P4HA1: variants seen among roughly 807,000 people sequenced by gnomAD.
P4HA1 encodes the protein prolyl 4-hydroxylase subunit alpha 1.
A neutral mutation model predicts 72.8 loss-of-function variants in P4HA1; 24 were observed. The observed-to-expected ratio is 0.33, with a 90% confidence interval of 0.24 to 0.46. The LOEUF (loss-of-function observed/expected upper bound fraction) is 0.46, where lower values mean the gene tolerates loss of function less well. Ranked by LOEUF, P4HA1 falls within the 20% of genes least tolerant of loss-of-function variation. The probability of loss-of-function intolerance (pLI) is 1.00; values close to 1 mark genes in which losing one functional copy is unlikely to be tolerated. For missense variants in P4HA1, 446 were observed against 640.6 expected (o/e 0.70, Z 3.28); for synonymous variants, 201 against 218.8 (o/e 0.92, Z 0.72).
intron 1 of P4HA1, among the ~76,000 whole-genome samples, chr10:73,079,526 G>T (rs1313389039): frequency 6.6e-6 from 1 of 152,190 alleles, no homozygotes; most frequent in African/African-American, 2.4e-5. Context: ...TGGATCACCT[G>T]AGGTGAGGAG....
At chr10:73,088,987 A>C (rs1342718043) in intron 1 of P4HA1, among the ~76,000 whole-genome samples, 1 of 152,180 alleles carries the variant, frequency 6.6e-6, no homozygotes, top group African/African-American at 2.4e-5. Flanking sequence ...TTGGTTTTCC[A>C]TATTAATTTT....
chr10:73,058,934 C>T (rs1352805077), intron 5 of P4HA1, among the ~76,000 whole-genome samples: 7 of 151,932 alleles, frequency 4.6e-5, no homozygotes, highest in South Asian at 2.1e-4. Flanking sequence ...CCCACCACCA[C>T]GCTCAGCTAA....
At chr10:73,063,572 C>T (rs904940928) in intron 5 of P4HA1, among the ~76,000 whole-genome samples, 6 of 152,138 alleles carry the variant, frequency 3.9e-5, no homozygotes, top group African/African-American at 1.2e-4. Context: ...ATTATTTTTT[C>T]GGTTACGAGA....
chr10:73,038,209 TGTGCCACTGCACTCCA>T (rs1210127033), intron 9 of P4HA1, among the ~76,000 whole-genome samples: 2 of 152,162 alleles, frequency 1.3e-5, no homozygotes, highest in African/African-American at 4.8e-5. Context: ...GAGCCATGAC[TGTGCCACTGCACTCCA>T]GCCTGGGCGA....
chr10:73,076,227 G>A (rs1182125710), intron 1 of P4HA1, among the ~76,000 whole-genome samples: 1 of 152,094 alleles, frequency 6.6e-6, no homozygotes, highest in South Asian at 2.1e-4. Flanking sequence ...CTCTTGGTTT[G>A]ACTTAGTTTG....
At chr10:73,038,165 G>A (rs1388000073) in intron 9 of P4HA1, among the ~76,000 whole-genome samples, 1 of 152,156 alleles carries the variant, frequency 6.6e-6, no homozygotes, top group Non-Finnish European at 1.5e-5. Context: ...TGAGGTGGGA[G>A]GATTGCTTGA....
chr10:73,090,474 T>G (rs1417132435), intron 1 of P4HA1, among the ~76,000 whole-genome samples: 1 of 152,214 alleles, frequency 6.6e-6, no homozygotes, highest in Non-Finnish European at 1.5e-5. Flanking sequence ...TTCCTTATCT[T>G]GATTGTACTG....
chr10:73,016,933 A>G, intron 10 of P4HA1, 34 bp from the exon 11 acceptor site: 1 of 1,560,466 alleles, frequency 6.4e-7, no homozygotes, highest in East Asian at 2.3e-5. Context: ...AAAGAAAAGA[A>G]CTATAAAGAT....
intron 5 of P4HA1, among the ~76,000 whole-genome samples, chr10:73,058,216 G>A (rs1056260669): frequency 9.9e-5 from 15 of 151,666 alleles, no homozygotes; most frequent in Non-Finnish European, 1.6e-4. Context: ...TCTTTAGATG[G>A]TTATTAAGAA....
intron 5 of P4HA1, among the ~76,000 whole-genome samples, chr10:73,058,992 G>A (rs992191186): frequency 6.6e-6 from 1 of 151,834 alleles, no homozygotes; most frequent in African/African-American, 2.4e-5. Flanking sequence ...TGGCCAGGCT[G>A]GTCTCAAACT....
intron 5 of P4HA1, chr10:73,065,458 T>C (rs545037638): frequency 4.3e-4 from 65 of 152,304 alleles, no homozygotes; most frequent in African/African-American, 1.4e-3. Flanking sequence ...CAAGGAGTGA[T>C]GTGGCATCAA....
intron 5 of P4HA1, among the ~76,000 whole-genome samples, chr10:73,062,358 CCTTT>C (rs1359162170): frequency 1.3e-5 from 2 of 151,852 alleles, no homozygotes; most frequent in African/African-American, 4.8e-5. Context: ...CACATAGTTC[CCTTT>C]CTGACACTAT....
At chr10:73,033,519 G>A (rs1365005464) in intron 9 of P4HA1, among the ~76,000 whole-genome samples, 1 of 152,104 alleles carries the variant, frequency 6.6e-6, no homozygotes, top group Non-Finnish European at 1.5e-5. Flanking sequence ...CCTTGTCAAT[G>A]CTTGCTTATT....
At chr10:73,056,991 C>T (rs1422505716) in intron 5 of P4HA1, among the ~76,000 whole-genome samples, 2 of 145,204 alleles carry the variant, frequency 1.4e-5, no homozygotes, top group Non-Finnish European at 3.0e-5. Context: ...ACCCAGGAGA[C>T]AGAGCTTGCA....
intron 5 of P4HA1, among the ~76,000 whole-genome samples, chr10:73,064,718 G>GT (rs1841381985): frequency 6.6e-6 from 1 of 151,652 alleles, no homozygotes; most frequent in South Asian, 2.1e-4. Flanking sequence ...GTGGGCACCT[G>GT]TAATCCCAGC....
chr10:73,035,207 C>G (rs1840541155), intron 9 of P4HA1, among the ~76,000 whole-genome samples: 1 of 151,844 alleles, frequency 6.6e-6, no homozygotes, highest in Non-Finnish European at 1.5e-5. Flanking sequence ...ATATTCCCAT[C>G]CCTCACTGCC....
At chr10:73,014,792 C>T (rs182630791) in intron 11 of P4HA1, among the ~76,000 whole-genome samples, 65 of 151,918 alleles carry the variant, frequency 4.3e-4, no homozygotes, top group African/African-American at 1.4e-3. Context: ...TTTGAACTCA[C>T]GACCTACTGA....
chr10:73,088,039 T>C (rs760719174), intron 1 of P4HA1, among the ~76,000 whole-genome samples: 1 of 152,210 alleles, frequency 6.6e-6, no homozygotes, highest in African/African-American at 2.4e-5. Flanking sequence ...ATTTTATAGC[T>C]GTACATTTTA....
At chr10:73,082,001 G>C (rs906027297) in intron 1 of P4HA1, among the ~76,000 whole-genome samples, 2 of 152,236 alleles carry the variant, frequency 1.3e-5, no homozygotes, top group African/African-American at 4.8e-5. Flanking sequence ...GGGCAACAGA[G>C]CGAGACTCCG....
Sources: gnomAD v4.1 joint callset for allele counts (sites outside exome capture counted in the v4.1 genomes callset) on GRCh38, gnomAD v4.1.1 for gene constraint, MANE v1.5 for transcripts, NCBI Gene and HGNC (gene_info 2026-07-23, HGNC 2026-07-21) for gene names.